CLYBL: variants seen among roughly 807,000 people sequenced by gnomAD.
CLYBL encodes the protein citramalyl-CoA lyase, mitochondrial.
CLYBL carries 31 observed loss-of-function variants against 38.9 expected under a neutral mutation model. The observed-to-expected ratio is 0.80, with a 90% CI of 0.60 to 1.08. The LOEUF (loss-of-function observed/expected upper bound fraction) is 1.08. Ranked by LOEUF, CLYBL falls within the 50% of genes least tolerant of loss-of-function variation. The probability of loss-of-function intolerance (pLI) is 0.00; values close to 1 mark genes in which losing one functional copy is unlikely to be tolerated. For missense variants in CLYBL, 434 were observed against 411.6 expected (o/e 1.05, Z -0.47); for synonymous variants, 171 against 158.6 (o/e 1.08, Z -0.59).
In CLYBL at chr13:99,862,940, G is replaced by T. The variant is rs369900280; in HGVS notation, c.439-51G>T. 1.1e-5 allele frequency: 12 copies of T among 1,052,174 alleles called. No homozygotes were observed. In the South Asian group the frequency reaches 1.6e-4, roughly 14 times the overall value. The allele number at this position is 1,052,174 out of a possible 1,614,324, so 65.2% of individuals were successfully genotyped here. On this transcript the variant is annotated intron_variant, in intron 3 of 8. Coordinates refer to ENST00000339105, the MANE Select transcript of CLYBL (RefSeq NM_206808.5). ...ATACTACTTCTGGGTCTACATTTCC[G>T]TGATTGTACATTTTTTCCCCACTAA...
chr13:99,833,683 CTTTTT>C (rs35378080), intron 2 of CLYBL, among the ~76,000 whole-genome samples: 2 of 56,114 alleles, frequency 3.6e-5, no homozygotes, highest in African/African-American at 1.5e-4. Flanking sequence ...TACCGTGTTG[CTTTTT>C]TTTTTTTTTT....
chr13:99,815,871 C>G (rs1335627561), intron 2 of CLYBL, among the ~76,000 whole-genome samples: 2 of 151,846 alleles, frequency 1.3e-5, no homozygotes, highest in East Asian at 1.9e-4. Context: ...GGAGTGAGAG[C>G]CTGTCTCAAA....
At chr13:99,759,429 A>G (rs2049125269) in intron 1 of CLYBL, among the ~76,000 whole-genome samples, 1 of 152,174 alleles carries the variant, frequency 6.6e-6, no homozygotes, top group Non-Finnish European at 1.5e-5. Context: ...TGACTCTTCC[A>G]CAAGAAGAAC....
At chr13:99,718,387 AAACCT>A in intron 1 of CLYBL, among the ~76,000 whole-genome samples, 1 of 152,102 alleles carries the variant, frequency 6.6e-6, no homozygotes, top group East Asian at 1.9e-4. Flanking sequence ...AAAAAAAAAA[AAACCT>A]AGAGAGGGTT....
intron 1 of CLYBL, among the ~76,000 whole-genome samples, chr13:99,668,962 C>G (rs2139356184): frequency 6.6e-6 from 1 of 151,182 alleles, no homozygotes; most frequent in African/African-American, 2.4e-5. Context: ...GGCAGATGCC[C>G]AAGAAGTGTG....
At chr13:99,627,912 A>C (rs1311185901) in intron 1 of CLYBL, among the ~76,000 whole-genome samples, 1 of 152,170 alleles carries the variant, frequency 6.6e-6, no homozygotes, top group Non-Finnish European at 1.5e-5. Flanking sequence ...AATTTCATGT[A>C]TTTTCTGGTA....
At chr13:99,669,081 A>C (rs570662338) in intron 1 of CLYBL, among the ~76,000 whole-genome samples, 292 of 151,030 alleles carry the variant, frequency 1.9e-3, no homozygotes, top group African/African-American at 6.8e-3. Context: ...GGCTCACTGC[A>C]ACCTCTGCCT....
intron 2 of CLYBL, among the ~76,000 whole-genome samples, chr13:99,820,329 A>G (rs1028058275): frequency 2.0e-5 from 3 of 152,186 alleles, no homozygotes; most frequent in Non-Finnish European, 2.9e-5. Flanking sequence ...TTATATTTGC[A>G]TCCATTGTTT....
intron 1 of CLYBL, among the ~76,000 whole-genome samples, chr13:99,768,196 T>TTC (rs1555303275): frequency 2.5e-4 from 34 of 138,712 alleles, no homozygotes; most frequent in African/African-American, 8.2e-4. Context: ...CTTTTTCTTT[T>TTC]TTTTTTTTTT....
At chr13:99,848,227 C>T (rs758358076) in intron 2 of CLYBL, among the ~76,000 whole-genome samples, 12 of 152,118 alleles carry the variant, frequency 7.9e-5, no homozygotes, top group Non-Finnish European at 1.5e-4. Flanking sequence ...GTCCCAAGGG[C>T]CCCAGGATCT....
chr13:99,898,308 G>A (rs887835066), downstream of CLYBL, among the ~76,000 whole-genome samples: 1 of 152,190 alleles, frequency 6.6e-6, no homozygotes, highest in Non-Finnish European at 1.5e-5. Flanking sequence ...TTGTGGTAGA[G>A]AGTTTCTTCC....
chr13:99,829,513 T>C (rs2050763389), intron 2 of CLYBL, among the ~76,000 whole-genome samples: 1 of 152,216 alleles, frequency 6.6e-6, no homozygotes, highest in Non-Finnish European at 1.5e-5. Context: ...TGGGCAATGA[T>C]GAGTTTTAAT....
intron 1 of CLYBL, among the ~76,000 whole-genome samples, chr13:99,662,178 T>C (rs2047418335): frequency 6.6e-6 from 1 of 152,238 alleles, no homozygotes; most frequent in East Asian, 1.9e-4. Flanking sequence ...TTGTGATGCT[T>C]TTAGTAAAAG....
chr13:99,618,168 A>C (rs2046742024), intron 1 of CLYBL, among the ~76,000 whole-genome samples: 1 of 152,238 alleles, frequency 6.6e-6, no homozygotes, highest in African/African-American at 2.4e-5. Flanking sequence ...AATTTGCAGA[A>C]GGAAAAAAGA....
intron 2 of CLYBL, among the ~76,000 whole-genome samples, chr13:99,833,030 A>ATATATATATT (rs1555314878): frequency 8.4e-5 from 3 of 35,870 alleles, no homozygotes; most frequent in Non-Finnish European, 1.3e-4. Context: ...ATATATATAT[A>ATATATATATT]TTTTTTTTTT....
chr13:99,797,560 T>TTGTGTGTGTGTGTGTG (rs3033584), intron 2 of CLYBL, among the ~76,000 whole-genome samples: 7,922 of 141,624 alleles, frequency 0.056, 340 homozygotes, highest in East Asian at 0.096. Flanking sequence ...TGTTAGCTGT[T>TTGTGTGTGTGTGTGTG]TGTGTGTGTG....
chr13:99,717,449 A>G (rs1467398595), intron 1 of CLYBL, among the ~76,000 whole-genome samples: 2 of 151,116 alleles, frequency 1.3e-5, no homozygotes, highest in African/African-American at 4.8e-5. Context: ...AAAAAAAAAA[A>G]AAAAAAAAGA....
At chr13:99,640,922 A>G (rs1340661888) in intron 1 of CLYBL, among the ~76,000 whole-genome samples, 1 of 152,242 alleles carries the variant, frequency 6.6e-6, no homozygotes, top group Non-Finnish European at 1.5e-5. Flanking sequence ...CTGCTAACAC[A>G]TTTCTGGAAA....
At chr13:99,813,213 C>G (rs375700593) in intron 2 of CLYBL, among the ~76,000 whole-genome samples, 1 of 152,026 alleles carries the variant, frequency 6.6e-6, no homozygotes, top group African/African-American at 2.4e-5. Context: ...AATGGGGGTC[C>G]CATGCCTGAG....
Sources: gnomAD v4.1 joint callset for allele counts (sites outside exome capture counted in the v4.1 genomes callset) on GRCh38, gnomAD v4.1.1 for gene constraint, MANE v1.5 for transcripts, NCBI Gene and HGNC (gene_info 2026-07-23, HGNC 2026-07-21) for gene names.